Variants in CHD3 observed in about 807,000 individuals in gnomAD.
The protein encoded by CHD3 is ATP-dependent chromatin remodeler CHD3.
CHD3 carries 52 observed loss-of-function variants against 248.9 expected under a neutral mutation model. That is an observed-to-expected ratio of 0.21 (90% CI 0.17 to 0.26). The LOEUF (loss-of-function observed/expected upper bound fraction) is 0.26. Among genes scored for constraint, CHD3 ranks in the 10% least tolerant of loss-of-function variants. The pLI, the probability that CHD3 is intolerant of heterozygous loss-of-function variation, is 1.00. For missense variants in CHD3, 1,482 were observed against 2,605.8 expected, an observed-to-expected ratio of 0.57 and a Z score of 9.39; for synonymous variants, 985 against 985.2, an observed-to-expected ratio of 1.00 and a Z score of 0.00.
At chr17:7,887,183 G>C (rs1968097009), upstream of CHD3, among the ~76,000 whole-genome samples, 1 of 152,156 alleles carries the variant, frequency 6.6e-6, no homozygotes, top group Non-Finnish European at 1.5e-5. Flanking sequence ...GGCTGCCCTC[G>C]CTCTTCCTTG....
chr17:7,905,903 G>C lies in CHD3; in HGVS notation c.4272G>C (p.Val1424=). ...TRQRKAFLNA[V]MRWGMPPQDA... ...AGCGGAAGGCTTTCCTCAATGCTGT[G>C]ATGCGCTGGGGGATGCCACCACAGG... The change falls in exon 28 of 40, where the codon GTG becomes GTC. Residue 1424 remains valine (V), a synonymous_variant. Coordinates refer to ENST00000330494, the MANE Select transcript of CHD3 (RefSeq NM_001005273.3). The surrounding 1 kb of genome is among the most constrained non-coding windows in gnomAD (Gnocchi z 5.8). 6.2e-7 allele frequency: 1 copy of C among 1,614,194 alleles called. No homozygotes were observed.
Position 7,899,008 on chromosome 17 carries a change from T to C in CHD3, c.2152-3T>C, listed in dbSNP as rs775628098. ...TGAGCTTTCTGACTTCTTGTCTCTA[T>C]AGCCTACCGTGAAATATGAGACTCA... On this transcript the variant is annotated splice_polypyrimidine_tract_variant and splice_region_variant and intron_variant, in intron 13 of 39. Transcript: ENST00000330494. This position sits in a 1 kb window ranked among gnomAD's most constrained non-coding sequence, Gnocchi z 6.8. 4.3e-6 allele frequency: 7 copies of C among 1,613,704 alleles called. No individual in the cohort carries two copies. Among genetic ancestry groups the C allele is most frequent in the African/African-American group, 2.7e-5 (2 of 74,894 alleles).
In CHD3 at chr17:7,903,189, C is replaced by G. The variant is rs1358657184; in HGVS notation, c.3496-83C>G. The G allele has an allele frequency of 1.9e-6, 3 of 1,571,712 alleles. No homozygotes were observed. The highest frequency in any genetic ancestry group is 1.7e-5 in the Admixed American group (1 of 59,208). On this transcript the variant is annotated intron_variant, in intron 22 of 39. Coordinates refer to ENST00000330494, the MANE Select transcript of CHD3 (RefSeq NM_001005273.3). This position sits in a 1 kb window ranked among gnomAD's most constrained non-coding sequence, Gnocchi z 6.8. ...AGGAGAGAAGGCCCTTCTTCAGCAG[C>G]CTTCTTTCCTGAGGCAGCTCTATGG...
Position 7,912,406 on chromosome 17 carries a change from CT to C in CHD3, c.*822del, listed in dbSNP as rs1449550768. ...ATGTGGTGGAAGCCCAGCTCTGGGG[CT>C]CAGGTTCCTGGAAGACTTCTACTAC... On this transcript the variant is annotated 3_prime_UTR_variant, in exon 40 of 40. Transcript: ENST00000330494. 1.3e-5 allele frequency: 2 copies of C among 152,378 alleles called. No homozygotes were observed. Among genetic ancestry groups the C allele is most frequent in the Non-Finnish European group, 2.9e-5 (2 of 68,190 alleles). The allele number at this position is 152,378 out of a possible 1,614,324, so 9.4% of individuals were successfully genotyped here. A position where few individuals can be genotyped will look rare whatever the true frequency, so the allele number is the denominator to read the frequency against.
chr17:7,887,597 G>C (rs1019674811), upstream of CHD3, among the ~76,000 whole-genome samples: 3 of 152,176 alleles, frequency 2.0e-5, no homozygotes, highest in Non-Finnish European at 4.4e-5. Context: ...GGTGCGTTGT[G>C]GGGGAGGGAG....
Position 7,906,380 on chromosome 17 carries a change from C to T in CHD3, c.4359-173C>T. On this transcript the variant is annotated intron_variant, in intron 28 of 39. Coordinates refer to ENST00000330494, the MANE Select transcript of CHD3 (RefSeq NM_001005273.3). The surrounding 1 kb of genome is among the most constrained non-coding windows in gnomAD (Gnocchi z 5.0). The stretch of plus-strand genomic sequence containing the variant: ...GACCCAGGGGTGGGGCGCAGGGGGA[C>T]AGTTAGGACTTGGAGGGCTGGTAAT... 1 of 705,878 alleles carries T rather than the reference C, an allele frequency of 1.4e-6. No individual in the cohort carries two copies. Among genetic ancestry groups the T allele is most frequent in the Non-Finnish European group, 2.4e-6 (1 of 408,664 alleles). The allele number at this position is 705,878 out of a possible 1,614,324, so 43.7% of individuals were successfully genotyped here.
Position 7,903,522 on chromosome 17 carries a change from G to T in CHD3, c.3727+19G>T. On this transcript the variant is annotated intron_variant, in intron 23 of 39. Coordinates refer to ENST00000330494, the MANE Select transcript of CHD3 (RefSeq NM_001005273.3). The surrounding 1 kb of genome is among the most constrained non-coding windows in gnomAD (Gnocchi z 6.8). ...AACGAGGGTGAGAACCTTTTCTGCA[G>T]CTCTGTGAAAGCAGGCCCCTGCTCT... The T allele has an allele frequency of 6.3e-7, 1 of 1,592,034 alleles. No individual in the cohort carries two copies. Among genetic ancestry groups the T allele is most frequent in the Non-Finnish European group, 8.6e-7 (1 of 1,164,428 alleles).
Position 7,900,272 on chromosome 17 carries a change from C to T in CHD3, c.2683-18C>T. ...CTAATAAGCCCATTTTCCTGCCTTGCCTTGCCCCATCTTTTAGTTTTTCAG... is the reference window on the plus strand; with the variant it reads ...CTAATAAGCCCATTTTCCTGCCTTGTCTTGCCCCATCTTTTAGTTTTTCAG... On this transcript the variant is annotated intron_variant, in intron 16 of 39. Coordinates refer to ENST00000330494, the MANE Select transcript of CHD3 (RefSeq NM_001005273.3). The surrounding 1 kb of genome is among the most constrained non-coding windows in gnomAD (Gnocchi z 6.5). The T allele has an allele frequency of 3.1e-6, 5 of 1,613,994 alleles. No homozygotes were observed. Among genetic ancestry groups the T allele is most frequent in the Non-Finnish European group, 4.2e-6 (5 of 1,179,996 alleles).
Position 7,905,924 on chromosome 17 carries a change from A to G in CHD3, c.4293A>G (p.Pro1431=), listed in dbSNP as rs778470006. 1 of 1,614,148 alleles carries G rather than the reference A, an allele frequency of 6.2e-7. No homozygotes were observed. The highest frequency in any genetic ancestry group is 8.5e-7 in the Non-Finnish European group (1 of 1,180,018). The change falls in exon 28 of 40, where the codon CCA becomes CCG. Residue 1431 remains proline (P), a synonymous_variant. Transcript: ENST00000330494. This position sits in a 1 kb window ranked among gnomAD's most constrained non-coding sequence, Gnocchi z 5.8. The stretch of plus-strand genomic sequence containing the variant: ...CTGTGATGCGCTGGGGGATGCCACC[A>G]CAGGATGCCTTCACCACACAGTGGC... ...LNAVMRWGMP[P]QDAFTTQWLV... is the part of the protein sequence containing the mutation.
chr17:7,900,781 GCGTTC>G lies in CHD3; in HGVS notation c.2978+52_2978+56del, dbSNP rs780165447. 2 of 1,610,146 alleles carry G rather than the reference GCGTTC, an allele frequency of 1.2e-6. No homozygotes were observed. The highest frequency in any genetic ancestry group is 1.7e-6 in the Non-Finnish European group (2 of 1,176,758). On this transcript the variant is annotated intron_variant, in intron 18 of 39. Coordinates refer to ENST00000330494, the MANE Select transcript of CHD3 (RefSeq NM_001005273.3). This position sits in a 1 kb window ranked among gnomAD's most constrained non-coding sequence, Gnocchi z 6.5. ...GAGTAGGGCTTGGGGATTGATGGGA[GCGTTC>G]CAAGTGCAATATCATAATTGCTTCC...
In CHD3 at chr17:7,897,343, T is replaced by C; in HGVS notation, c.1919+49T>C. On this transcript the variant is annotated intron_variant, in intron 11 of 39. Coordinates refer to ENST00000330494, the MANE Select transcript of CHD3 (RefSeq NM_001005273.3). The surrounding 1 kb of genome is among the most constrained non-coding windows in gnomAD (Gnocchi z 4.8). The stretch of plus-strand genomic sequence containing the variant: ...TCAGACCTGGTATATGACATTATTC[T>C]TACCATGGTGATGGCCCCATGTTAG... 6.7e-7 allele frequency: 1 copy of C among 1,483,522 alleles called. No homozygotes were observed. The highest frequency in any genetic ancestry group is 1.1e-5 in the South Asian group (1 of 88,196). 91.9% of individuals were successfully genotyped at this position (1,483,522 alleles called of 1,614,324 possible).
At position 7,908,588 on chromosome 17, in the gene CHD3, G is replaced by A. The variant is rs908769774; in HGVS notation, c.5261+78G>A. 1.9e-6 allele frequency: 3 copies of A among 1,588,620 alleles called. No individual in the cohort carries two copies. The highest frequency in any genetic ancestry group is 2.6e-6 in the Non-Finnish European group (3 of 1,158,800). On this transcript the variant is annotated intron_variant, in intron 35 of 39. Transcript: ENST00000330494. This position sits in a 1 kb window ranked among gnomAD's most constrained non-coding sequence, Gnocchi z 5.8. ...AAAAAAAAGATGATTTCACACCCAGGGACAGGGCTAGTGCCACACTTTGGG... is the reference window on the plus strand; with the variant it reads ...AAAAAAAAGATGATTTCACACCCAGAGACAGGGCTAGTGCCACACTTTGGG...
Position 7,910,105 on chromosome 17 carries a change from T to C in CHD3, c.5591-323T>C. On this transcript the variant is annotated intron_variant, in intron 37 of 39. Coordinates refer to ENST00000330494, the MANE Select transcript of CHD3 (RefSeq NM_001005273.3). The surrounding 1 kb of genome is among the most constrained non-coding windows in gnomAD (Gnocchi z 4.7). Reference sequence around the variant, plus strand: ...TTCCAGTATGAGATGTTCTGACAACTCCCCGCCCCCATGTCTTCCAATGTC... The same window carrying C: ...TTCCAGTATGAGATGTTCTGACAACCCCCCGCCCCCATGTCTTCCAATGTC... 6 of 394,688 alleles carry C rather than the reference T, an allele frequency of 1.5e-5. No homozygotes were observed. The highest frequency in any genetic ancestry group is 7.3e-5 in the South Asian group (3 of 41,306). 24.4% of individuals were successfully genotyped at this position (394,688 alleles called of 1,614,324 possible). A position where few individuals can be genotyped will look rare whatever the true frequency, so the allele number is the denominator to read the frequency against.
At chr17:7,890,849 A>C in intron 3 of CHD3, 91 bp from the exon 4 acceptor site, 1 of 1,590,674 alleles carries the variant, frequency 6.3e-7, no homozygotes, top group South Asian at 1.1e-5. Context: ...AAGAAAGCCC[A>C]GGGAAGCTAG....
Position 7,905,270 on chromosome 17 carries a change from T to C in CHD3, c.4138+105T>C. 3.8e-6 allele frequency: 4 copies of C among 1,061,908 alleles called. No individual in the cohort carries two copies. The highest frequency in any genetic ancestry group is 4.4e-6 in the Non-Finnish European group (3 of 689,450). The allele number at this position is 1,061,908 out of a possible 1,614,324, so 65.8% of individuals were successfully genotyped here. On this transcript the variant is annotated intron_variant, in intron 26 of 39. Coordinates refer to ENST00000330494, the MANE Select transcript of CHD3 (RefSeq NM_001005273.3). The surrounding 1 kb of genome is among the most constrained non-coding windows in gnomAD (Gnocchi z 5.8). Reference sequence around the variant, plus strand: ...AAGTAAAAAAGTCTTCGTGTGTGTGTGGAAAAACTCGATTGCAGATGAGCA... The same window carrying C: ...AAGTAAAAAAGTCTTCGTGTGTGTGCGGAAAAACTCGATTGCAGATGAGCA...
rs536705565 is a variant in CHD3 at position 7,904,345 on chromosome 17, C to T, written c.3895-97C>T. 719 of 1,174,620 alleles carry T rather than the reference C, an allele frequency of 6.1e-4. 6 individuals carry two copies. The South Asian group carries it at 7.2e-3, about 12-fold the overall frequency. 72.8% of individuals were successfully genotyped at this position (1,174,620 alleles called of 1,614,324 possible). A position where few individuals can be genotyped will look rare whatever the true frequency, so the allele number is the denominator to read the frequency against. On this transcript the variant is annotated intron_variant, in intron 24 of 39. Coordinates refer to ENST00000330494, the MANE Select transcript of CHD3 (RefSeq NM_001005273.3). This position sits in a 1 kb window ranked among gnomAD's most constrained non-coding sequence, Gnocchi z 4.4. ...CACGAAGCTGCAGGAGTGGGGAGAC[C>T]GGATTGGGCTGACGCAGCAGAGTAG...
rs1263898655 is a variant in CHD3, at chr17:7,911,450, CCT to C, written c.5882-13_5882-12del. 1 of 1,614,120 alleles carries C rather than the reference CCT, an allele frequency of 6.2e-7. No homozygotes were observed. Among genetic ancestry groups the C allele is most frequent in the Admixed American group, 1.7e-5 (1 of 60,024 alleles). On this transcript the variant is annotated splice_polypyrimidine_tract_variant and intron_variant, in intron 39 of 39. Transcript: ENST00000330494. The surrounding 1 kb of genome is among the most constrained non-coding windows in gnomAD (Gnocchi z 5.4). ...ATCTGGAGATTGATCTTTCCTTACCCCTTTCCCAAACAGCCGCCACCAACGGC... is the reference window on the plus strand; with the variant it reads ...ATCTGGAGATTGATCTTTCCTTACCCTTCCCAAACAGCCGCCACCAACGGC...
At chr17:7,893,691 G>A in intron 5 of CHD3, 114 bp from the exon 6 acceptor site, 2 of 1,529,330 alleles carry the variant, frequency 1.3e-6, no homozygotes, top group East Asian at 2.3e-5. Flanking sequence ...TCCAGGAAGT[G>A]GGGCTTAGTG....
rs1239296394 is a variant in CHD3 at position 7,907,362 on chromosome 17, C to T, written c.4798C>T (p.Pro1600Ser). The change falls in exon 32 of 40, where the codon CCC (proline) becomes TCC (serine). Residue 1600 changes from proline (P) to serine (S), a missense_variant. By Grantham distance (74) the Pro-to-Ser change is moderately conservative. Coordinates refer to ENST00000330494, the MANE Select transcript of CHD3 (RefSeq NM_001005273.3). This position sits in a 1 kb window ranked among gnomAD's most constrained non-coding sequence, Gnocchi z 4.3. ...CATTGTCCTCTTCCAGGCTGATGCC[C>T]CCAGCCCAGCCCCATCACTTGGGGA... ...GEKMETEADA[P>S]SPAPSLGERL... 1.2e-6 allele frequency: 2 copies of T among 1,603,918 alleles called. No individual in the cohort carries two copies. Among genetic ancestry groups the T allele is most frequent in the East Asian group, 2.2e-5 (1 of 44,814 alleles).
Sources: gnomAD v4.1 joint callset for allele counts (sites outside exome capture counted in the v4.1 genomes callset) on GRCh38, gnomAD v4.1.1 for gene constraint, Gnocchi (gnomAD v3.1) non-coding constraint, MANE v1.5 for transcripts, NCBI Gene and HGNC (gene_info 2026-07-23, HGNC 2026-07-21) for gene names.